The following SLC9A8 variants were observed in gnomAD, a reference collection of about 807,000 sequenced individuals.
SLC9A8 encodes the protein sodium/hydrogen exchanger 8.
A neutral mutation model predicts 66.6 loss-of-function variants in SLC9A8; 48 were observed. The ratio of observed to expected loss-of-function variants is 0.72; its 90% CI spans 0.57 to 0.92. SLC9A8 has a LOEUF of 0.92. SLC9A8 is among the 40% of genes least tolerant of loss of function. The pLI, the probability that SLC9A8 is intolerant of heterozygous loss-of-function variation, is 0.00. For synonymous variants in SLC9A8, 274 were observed against 282.6 expected (o/e 0.97, Z 0.31); for missense variants, 599 against 747.3 (o/e 0.80, Z 2.31).
intron 3 of SLC9A8, among the ~76,000 whole-genome samples, chr20:49,825,779 C>T (rs1479827302): frequency 6.6e-6 from 1 of 152,220 alleles, no homozygotes; most frequent in African/African-American, 2.4e-5. Context: ...CTCCATGCCT[C>T]AGCAGTGAAT....
At chr20:49,880,682 G>A (rs1329525910) in intron 12 of SLC9A8, among the ~76,000 whole-genome samples, 1 of 152,100 alleles carries the variant, frequency 6.6e-6, no homozygotes, top group East Asian at 1.9e-4. Flanking sequence ...CTCTTTTCTG[G>A]CTACTAAGAA....
In SLC9A8 at chr20:49,862,958, T is replaced by G. The variant is rs771446941; in HGVS notation, c.743T>G (p.Met248Arg). Residue 248 changes from methionine to arginine, a missense_variant, in exon 9 of 16, where the codon ATG (methionine) becomes AGG (arginine). Physicochemically the swap from Met to Arg is moderately conservative, Grantham distance 91 (BLOSUM62 -1). This residue lies in a region of SLC9A8 where 467 missense variants were observed against 626.5 expected (regional missense o/e 0.75). Transcript: ENST00000361573. ...GCTGAAGGTTTAACAAGAAAAAATA[T>G]GTCAGATGTCAGTGGGTGGCAAACA... ...NTAEGLTRKNMSDVSGWQTFL... is the reference protein window; with the variant it reads ...NTAEGLTRKNRSDVSGWQTFL... 5.6e-6 allele frequency: 9 copies of G among 1,613,374 alleles called. No homozygotes were observed. Among genetic ancestry groups the G allele is most frequent in the Non-Finnish European group, 7.6e-6 (9 of 1,179,424 alleles).
At chr20:49,816,953 C>A (rs2086571440) in intron 2 of SLC9A8, among the ~76,000 whole-genome samples, 1 of 151,926 alleles carries the variant, frequency 6.6e-6, no homozygotes, top group Non-Finnish European at 1.5e-5. Context: ...TGGTCTCAAT[C>A]TCCTGACCTC....
chr20:49,842,792 C>T (rs1035862587), intron 4 of SLC9A8, among the ~76,000 whole-genome samples: 1 of 152,212 alleles, frequency 6.6e-6, no homozygotes. Flanking sequence ...GATTTGTTTT[C>T]TCACAATTCT....
At chr20:49,860,277 A>C (rs773129653) in intron 8 of SLC9A8, among the ~76,000 whole-genome samples, 1 of 152,234 alleles carries the variant, frequency 6.6e-6, no homozygotes. Context: ...TGAGTCTGCA[A>C]AGCTTTCACG....
At chr20:49,838,108 T>C (rs772332971) in intron 3 of SLC9A8, among the ~76,000 whole-genome samples, 3 of 152,048 alleles carry the variant, frequency 2.0e-5, no homozygotes, top group Non-Finnish European at 4.4e-5. Context: ...GTTAAATATA[T>C]GTAAGAGGAT....
Position 49,889,319 on chromosome 20 carries a change from C to T in SLC9A8, c.*1383C>T, listed in dbSNP as rs1456855977. The T allele has an allele frequency of 6.6e-6, 1 of 152,310 alleles. No individual in the cohort carries two copies. Among genetic ancestry groups the T allele is most frequent in the African/African-American group, 2.4e-5 (1 of 41,466 alleles). The allele number at this position is 152,310 out of a possible 1,614,324, so 9.4% of individuals were successfully genotyped here. ...CCTGCTTCTCAAGGGACACAGTGGCCTGCATGGGCCAGCATGGACCCTGGG... is the reference window on the plus strand; with the variant it reads ...CCTGCTTCTCAAGGGACACAGTGGCTTGCATGGGCCAGCATGGACCCTGGG... On this transcript the variant is annotated 3_prime_UTR_variant, in exon 16 of 16. Coordinates refer to ENST00000361573, the MANE Select transcript of SLC9A8 (RefSeq NM_015266.3).
rs56684955 is a variant in SLC9A8, at chr20:49,813,596, A to AATG, written c.26+649_26+650insTGA. Among the ~76,000 whole-genome samples the AATG allele has an allele frequency of 2.6e-5, 4 of 152,324 alleles. No individual in the cohort carries two copies. In the East Asian group the frequency reaches 7.7e-4, roughly 29 times the overall value. On this transcript the variant is annotated intron_variant, in intron 1 of 15. Transcript: ENST00000361573. ...GGGAGTTATTTATATCCTACTGCTC[A>AATG]AGGTCATCGCCAAGGTCTGATTTTT...
intron 3 of SLC9A8, among the ~76,000 whole-genome samples, chr20:49,832,982 T>G (rs996435732): frequency 6.6e-6 from 1 of 152,086 alleles, no homozygotes. Flanking sequence ...CTCAGCTCAC[T>G]GCAACCTTCC....
At chr20:49,857,022 C>T (rs780172970) in intron 8 of SLC9A8, among the ~76,000 whole-genome samples, 1 of 152,144 alleles carries the variant, frequency 6.6e-6, no homozygotes, top group Non-Finnish European at 1.5e-5. Context: ...TTTTCTGATG[C>T]AGGGATATTT....
intron 8 of SLC9A8, among the ~76,000 whole-genome samples, chr20:49,860,887 C>G (rs1481905947): frequency 6.6e-6 from 1 of 152,182 alleles, no homozygotes; most frequent in Non-Finnish European, 1.5e-5. Flanking sequence ...AGGCAGCGAA[C>G]AAGATGGACA....
rs757915957 is a variant in SLC9A8 at position 49,881,015 on chromosome 20, T to C, written c.1250T>C (p.Met417Thr). ...GATCATAAAATCACACCGAAGATGATGTTCATCATGTGGTTTAGTGGTAAG... is the reference window on the plus strand; with the variant it reads ...GATCATAAAATCACACCGAAGATGACGTTCATCATGTGGTTTAGTGGTAAG... The part of the protein sequence containing the change: ...FRDHKITPKM[M>T]FIMWFSGLRG... The change falls in exon 13 of 16, where the codon ATG (methionine) becomes ACG (threonine). Residue 417 changes from methionine (M) to threonine (T), a missense_variant. Met to Thr is a moderately conservative substitution (Grantham distance 81). This residue lies in a region of SLC9A8 where 467 missense variants were observed against 626.5 expected (regional missense o/e 0.75). Coordinates refer to ENST00000361573, the MANE Select transcript of SLC9A8 (RefSeq NM_015266.3). 12 of 1,612,220 alleles carry C rather than the reference T, an allele frequency of 7.4e-6. No homozygotes were observed. Among genetic ancestry groups the C allele is most frequent in the South Asian group, 1.1e-5 (1 of 91,040 alleles).
chr20:49,813,096 G>GT (rs2086414527), intron 1 of SLC9A8, 148 bp downstream of exon 1: 2 of 508,504 alleles, frequency 3.9e-6, no homozygotes, highest in East Asian at 7.1e-5. Flanking sequence ...CTACGAGGAG[G>GT]GCGGGATGGG....
At chr20:49,884,274 G>GACACACACACACGCC (rs2089779593) in intron 14 of SLC9A8, 1 of 114,998 alleles carries the variant, frequency 8.7e-6, no homozygotes, top group Non-Finnish European at 1.6e-5. Context: ...ACACACACAC[G>GACACACACACACGCC]ACACACACAC....
At chr20:49,858,606 G>A (rs1453344152) in intron 8 of SLC9A8, among the ~76,000 whole-genome samples, 1 of 151,774 alleles carries the variant, frequency 6.6e-6, no homozygotes, top group African/African-American at 2.4e-5. Context: ...TATTTAAGAT[G>A]GGAAATGATG....
chr20:49,836,132 T>C (rs897280854), intron 3 of SLC9A8, among the ~76,000 whole-genome samples: 1 of 152,198 alleles, frequency 6.6e-6, no homozygotes, highest in African/African-American at 2.4e-5. Context: ...TGTAGATTTG[T>C]CTATTGTGGA....
chr20:49,834,242 ACT>A (rs1280516965), intron 3 of SLC9A8, among the ~76,000 whole-genome samples: 1 of 139,534 alleles, frequency 7.2e-6, no homozygotes, highest in Non-Finnish European at 1.5e-5. Flanking sequence ...ATATACACAC[ACT>A]GTATATACGC....
Position 49,854,731 on chromosome 20 carries a change from G to A in SLC9A8, c.570-707G>A, listed in dbSNP as rs189354214. The stretch of plus-strand genomic sequence containing the variant: ...TCCCTCGGTTTTCTCCTCTGTCATT[G>A]GGGCAGTAGTAGCAGTCTCATACAG... On this transcript the variant is annotated intron_variant, in intron 7 of 15. Transcript: ENST00000361573. Among the ~76,000 whole-genome samples, 596 of 152,266 alleles carry A rather than the reference G, an allele frequency of 3.9e-3. 6 individuals are homozygous for A. Among genetic ancestry groups the A allele is most frequent in the African/African-American group, 0.014 (573 of 41,562 alleles).
At chr20:49,860,582 A>G (rs1284360988) in intron 8 of SLC9A8, among the ~76,000 whole-genome samples, 1 of 152,070 alleles carries the variant, frequency 6.6e-6, no homozygotes, top group Non-Finnish European at 1.5e-5. Flanking sequence ...TTAGCTGGGC[A>G]CGGTGGTGCG....
Sources: allele counts gnomAD v4.1 joint callset (sites outside exome capture counted in the v4.1 genomes callset), GRCh38; gene constraint gnomAD v4.1.1; regional missense constraint gnomAD v4.1.1; transcripts MANE v1.5; gene names NCBI Gene and HGNC (gene_info 2026-07-23, HGNC 2026-07-21).